Variants in COX6B1 observed in about 807,000 individuals in gnomAD.
COX6B1 encodes the protein cytochrome c oxidase subunit 6B1.
A neutral mutation model predicts 14.0 loss-of-function variants in COX6B1; 2 were observed. The ratio of observed to expected loss-of-function variants is 0.14; its 90% CI spans 0.06 to 0.45. The LOEUF is 0.45. COX6B1 is among the 20% of genes least tolerant of loss of function. COX6B1 has a pLI of 0.98. For missense variants in COX6B1, 81 were observed against 114.2 expected, an observed-to-expected ratio of 0.71 and a Z score of 1.33; for synonymous variants, 30 against 39.7, an observed-to-expected ratio of 0.76 and a Z score of 0.92.
In COX6B1 at chr19:35,651,360, C is replaced by T. The variant is rs771722602; in HGVS notation, c.106+11C>T. On this transcript the variant is annotated intron_variant, in intron 2 of 3. Coordinates refer to ENST00000649813, the MANE Select transcript of COX6B1 (RefSeq NM_001863.5). Reference sequence around the variant, plus strand: ...GGCAGAACTACCTGGGTAAGCAGGACCTTTCCCTGGCCACATACCTCGAGT... The same window carrying T: ...GGCAGAACTACCTGGGTAAGCAGGATCTTTCCCTGGCCACATACCTCGAGT... The T allele has an allele frequency of 3.1e-6, 5 of 1,604,630 alleles. No homozygotes were observed. The East Asian group carries it at 6.7e-5, about 21-fold the overall frequency.
chr19:35,651,453 C>G, intron 2 of COX6B1, 104 bp downstream of exon 2: 1 of 853,458 alleles, frequency 1.2e-6, no homozygotes, highest in Non-Finnish European at 2.0e-6. Flanking sequence ...TCTGAACATC[C>G]TTACTCTGGA....
chr19:35,652,032 C>CA (rs1217314275), intron 2 of COX6B1, among the ~76,000 whole-genome samples: 1 of 142,994 alleles, frequency 7.0e-6, no homozygotes, highest in Non-Finnish European at 1.5e-5. Flanking sequence ...TCCCTGCCTT[C>CA]TTTTTTTTTT....
At chr19:35,655,282 C>G (rs1034762770) in intron 3 of COX6B1, among the ~76,000 whole-genome samples, 14 of 152,168 alleles carry the variant, frequency 9.2e-5, no homozygotes, top group Non-Finnish European at 2.9e-5. Flanking sequence ...CCTGCCTCGG[C>G]CTCCCAGAGT....
chr19:35,654,332 C>T (rs956894296), intron 2 of COX6B1, among the ~76,000 whole-genome samples: 1 of 152,154 alleles, frequency 6.6e-6, no homozygotes, highest in Non-Finnish European at 1.5e-5. Flanking sequence ...TGGCGAAACC[C>T]TGTCTCTACT....
intron 1 of COX6B1, chr19:35,648,963 CT>C: frequency 1.9e-6 from 1 of 532,730 alleles, no homozygotes; most frequent in Non-Finnish European, 3.9e-6. Context: ...TTACACCCCA[CT>C]TCCCCACCGA....
chr19:35,654,563 C>G lies in COX6B1; in HGVS notation c.107-8C>G, dbSNP rs1967866491. 1 of 1,612,494 alleles carries G rather than the reference C, an allele frequency of 6.2e-7. No individual in the cohort carries two copies. Among genetic ancestry groups the G allele is most frequent in the Non-Finnish European group, 8.5e-7 (1 of 1,178,804 alleles). On this transcript the variant is annotated splice_polypyrimidine_tract_variant and splice_region_variant and intron_variant, in intron 2 of 3. Coordinates refer to ENST00000649813, the MANE Select transcript of COX6B1 (RefSeq NM_001863.5). ...GATCTGGGCTGACTTGAACCCCTTT[C>G]TTCACAGACTTCCACCGCTGTCAGA...
In COX6B1 at chr19:35,656,324, AAAGAATGCT is replaced by A. The variant is rs201719023; in HGVS notation, c.207+1658_207+1666del. Among the ~76,000 whole-genome samples the A allele has an allele frequency of 8.3e-3, 1,257 of 152,296 alleles. 15 individuals are homozygous for A. Among genetic ancestry groups the A allele is most frequent in the African/African-American group, 0.029 (1,207 of 41,564 alleles). On this transcript the variant is annotated intron_variant, in intron 3 of 3. Coordinates refer to ENST00000649813, the MANE Select transcript of COX6B1 (RefSeq NM_001863.5). ...TGGTGATCTACATGCTAGCACACAG[AAAGAATGCT>A]AAGACACAGGAAAAGTAAGTTGCAG...
chr19:35,652,485 G>A (rs1967837251), intron 2 of COX6B1, among the ~76,000 whole-genome samples: 1 of 151,814 alleles, frequency 6.6e-6, no homozygotes, highest in Non-Finnish European at 1.5e-5. Flanking sequence ...AGGCTGGAGT[G>A]CAATGTCACG....
At chr19:35,650,160 C>T (rs1369886423) in intron 1 of COX6B1, among the ~76,000 whole-genome samples, 3 of 151,960 alleles carry the variant, frequency 2.0e-5, no homozygotes, top group African/African-American at 7.3e-5. Context: ...CCTGCCACCA[C>T]ACCCAGCTGA....
At chr19:35,654,773 GAC>G in intron 3 of COX6B1, 102 bp downstream of exon 3, 1 of 987,794 alleles carries the variant, frequency 1.0e-6, no homozygotes, top group Non-Finnish European at 1.6e-6. Context: ...GCAGAGGGAG[GAC>G]AGGGCACCAC....
chr19:35,650,864 A>C (rs2146369741), intron 1 of COX6B1, among the ~76,000 whole-genome samples: 1 of 152,230 alleles, frequency 6.6e-6, no homozygotes, highest in East Asian at 1.9e-4. Context: ...GTAGGAAGTC[A>C]CTTAGACACC....
At chr19:35,653,972 G>A (rs546607200) in intron 2 of COX6B1, among the ~76,000 whole-genome samples, 3 of 152,278 alleles carry the variant, frequency 2.0e-5, no homozygotes, top group African/African-American at 7.2e-5. Context: ...CCAAAGTGCT[G>A]GGATTACAGG....
At chr19:35,650,845 C>T (rs917041849) in intron 1 of COX6B1, among the ~76,000 whole-genome samples, 10 of 152,054 alleles carry the variant, frequency 6.6e-5, no homozygotes, top group East Asian at 1.9e-4. Context: ...ATTTTTATGC[C>T]GTTTAACCGT....
chr19:35,658,746 T>A lies in COX6B1; in HGVS notation c.*99T>A, dbSNP rs1459176327. The stretch of plus-strand genomic sequence containing the variant: ...ATCCCCACCCCAGGATCCTAAATCA[T>A]GACTTACCTGCTAATAAAAACTCAT... On this transcript the variant is annotated 3_prime_UTR_variant, in exon 4 of 4. Transcript: ENST00000649813. 8.4e-6 allele frequency: 9 copies of A among 1,067,392 alleles called. No individual in the cohort carries two copies. The Admixed American group carries it at 1.6e-4, about 19-fold the overall frequency. The allele number at this position is 1,067,392 out of a possible 1,614,324, so 66.1% of individuals were successfully genotyped here. A position where few individuals can be genotyped will look rare whatever the true frequency, so the allele number is the denominator to read the frequency against.
In COX6B1 at chr19:35,658,629, G is replaced by A. The variant is rs141958404; in HGVS notation, c.243G>A (p.Thr81=). The A allele has an allele frequency of 7.4e-5, 119 of 1,614,052 alleles. No homozygotes were observed. In the African/African-American group the frequency reaches 1.1e-3, roughly 15 times the overall value. ...GGGATGAGCAACGGGCTGAAGGCAC[G>A]TTTCCCGGGAAGATCTGAACTGGCT... ...TDWDEQRAEG[T]FPGKI is the part of the protein sequence containing the mutation. Residue 81 remains threonine (T), a synonymous_variant, in exon 4 of 4, where the codon ACG becomes ACA. Coordinates refer to ENST00000649813, the MANE Select transcript of COX6B1 (RefSeq NM_001863.5).
intron 1 of COX6B1, among the ~76,000 whole-genome samples, 175 bp from the exon 2 acceptor site, chr19:35,651,058 C>T (rs1020186155): frequency 6.6e-6 from 1 of 152,120 alleles, no homozygotes; most frequent in Non-Finnish European, 1.5e-5. Flanking sequence ...GCCGCGACCT[C>T]GACACTCAGA....
intron 2 of COX6B1, among the ~76,000 whole-genome samples, chr19:35,652,203 G>C (rs1000591905): frequency 6.6e-6 from 1 of 151,516 alleles, no homozygotes; most frequent in African/African-American, 2.4e-5. Flanking sequence ...CTAATTTTTT[G>C]TATTTTTAGT....
Position 35,654,674 on chromosome 19 carries a change from A to G in COX6B1, c.207+3A>G. 1.2e-6 allele frequency: 2 copies of G among 1,613,782 alleles called. No individual in the cohort carries two copies. ...AGTCCCTCTGCCCCACATCCTGGGT[A>G]TGTGCCTCCTGCCAGGGCCCTTGGG... On this transcript the variant is annotated splice_donor_region_variant and intron_variant, in intron 3 of 3. Transcript: ENST00000649813.
chr19:35,649,479 ATT>A (rs59460933), intron 1 of COX6B1, among the ~76,000 whole-genome samples: 47 of 135,072 alleles, frequency 3.5e-4, no homozygotes, highest in East Asian at 4.3e-4. Context: ...GCTAATTTTA[ATT>A]TTTTTTTTTT....
Sources: allele counts gnomAD v4.1 joint callset (sites outside exome capture counted in the v4.1 genomes callset), GRCh38; gene constraint gnomAD v4.1.1; transcripts MANE v1.5; gene names NCBI Gene and HGNC (gene_info 2026-07-23, HGNC 2026-07-21).